Variants in CDH13 observed in about 807,000 individuals in gnomAD.
CDH13 encodes cadherin-13.
Under a neutral mutation model 63.8 loss-of-function variants are expected in CDH13, and 24 were observed. That is an observed-to-expected ratio of 0.38 (90% CI 0.27 to 0.53). The LOEUF is 0.53. Ranked by LOEUF, CDH13 falls within the 20% of genes least tolerant of loss-of-function variation. CDH13 has a pLI of 0.85. For missense variants in CDH13, 1,049 were observed against 903.1 expected, an observed-to-expected ratio of 1.16 and a Z score of -2.07; for synonymous variants, 503 against 355.3, an observed-to-expected ratio of 1.42 and a Z score of -4.67.
chr16:83,197,973 T>C (rs756667881), intron 4 of CDH13, among the ~76,000 whole-genome samples: 1 of 152,216 alleles, frequency 6.6e-6, no homozygotes, highest in African/African-American at 2.4e-5. Context: ...CAAATGCATG[T>C]GCATCTATAA....
At chr16:83,280,801 T>G (rs2089147186) in intron 5 of CDH13, among the ~76,000 whole-genome samples, 1 of 152,224 alleles carries the variant, frequency 6.6e-6, no homozygotes, top group Non-Finnish European at 1.5e-5. Context: ...ACAAAAACAT[T>G]ACTCTTGGAC....
chr16:83,052,416 C>T (rs1468904369), intron 3 of CDH13, among the ~76,000 whole-genome samples: 1 of 152,186 alleles, frequency 6.6e-6, no homozygotes, highest in African/African-American at 2.4e-5. Flanking sequence ...ATCATGTTTT[C>T]ATAGCAAATA....
At chr16:83,390,623 G>C (rs2091768102) in intron 6 of CDH13, among the ~76,000 whole-genome samples, 1 of 151,982 alleles carries the variant, frequency 6.6e-6, no homozygotes, top group African/African-American at 2.4e-5. Context: ...CAGGAGTCCT[G>C]CTGATCCCAC....
In CDH13 at chr16:83,049,323, C is replaced by CACTTTTTTTTTTTTTTT. The variant is rs1192950905; in HGVS notation, c.366+17105_366+17106insACTTTTTTTTTTTTTTT. 7.2e-5 allele frequency among the ~76,000 whole-genome samples: 5 copies of CACTTTTTTTTTTTTTTT among 68,988 alleles called. 1 individual carries two copies. Among genetic ancestry groups the CACTTTTTTTTTTTTTTT allele is most frequent in the African/African-American group, 2.3e-4 (4 of 17,660 alleles). 45.3% of individuals were successfully genotyped at this position (68,988 alleles called of 152,430 possible). A position where few individuals can be genotyped will look rare whatever the true frequency, so the allele number is the denominator to read the frequency against. On this transcript the variant is annotated intron_variant, in intron 3 of 13. Transcript: ENST00000567109. ...CAATACTTGGGCATTTATGACTGGC[C>CACTTTTTTTTTTTTTTT]TCTTTTTTTTTTTTTTTTTTTTTGA...
intron 5 of CDH13, among the ~76,000 whole-genome samples, chr16:83,267,346 G>C (rs1182513238): frequency 3.9e-5 from 6 of 152,062 alleles, no homozygotes; most frequent in Admixed American, 3.9e-4. Context: ...TTATCCTCAG[G>C]CTAATTCACT....
intron 2 of CDH13, among the ~76,000 whole-genome samples, chr16:83,014,024 G>A (rs79891089): frequency 0.031 from 4,643 of 152,046 alleles, 102 homozygotes; most frequent in Non-Finnish European, 0.045. Context: ...GAGGTAAAAT[G>A]GCAAACAAGA....
intron 1 of CDH13, among the ~76,000 whole-genome samples, chr16:82,691,301 T>C (rs1237804532): frequency 6.6e-6 from 1 of 152,198 alleles, no homozygotes; most frequent in Admixed American, 6.5e-5. Context: ...GCTGCCAGCA[T>C]CTTCCTGCTT....
chr16:82,717,953 C>T lies in CDH13; in HGVS notation c.45+90816C>T, dbSNP rs188804436. Among the ~76,000 whole-genome samples the T allele has an allele frequency of 3.7e-3, 567 of 152,262 alleles. 6 individuals carry two copies. Among genetic ancestry groups the T allele is most frequent in the Non-Finnish European group, 5.0e-3 (340 of 68,018 alleles). ...CCTAAAAGAAAATAAGATACTACTG[C>T]GAATGTCACCCAATGAGACCTGACC... On this transcript the variant is annotated intron_variant, in intron 1 of 13. Coordinates refer to ENST00000567109, the MANE Select transcript of CDH13 (RefSeq NM_001257.5).
intron 2 of CDH13, among the ~76,000 whole-genome samples, chr16:82,869,237 A>G (rs927914018): frequency 2.0e-5 from 3 of 152,082 alleles, no homozygotes; most frequent in Admixed American, 6.5e-5. Flanking sequence ...AATAGAGCAA[A>G]GTTTTGCCAT....
intron 5 of CDH13, among the ~76,000 whole-genome samples, chr16:83,321,673 C>T (rs893563369): frequency 7.9e-5 from 12 of 151,840 alleles, no homozygotes; most frequent in Non-Finnish European, 1.6e-4. Context: ...GGACTACAGG[C>T]GCCTGCCACC....
intron 5 of CDH13, among the ~76,000 whole-genome samples, chr16:83,218,659 T>G (rs991958817): frequency 1.3e-5 from 2 of 152,176 alleles, no homozygotes; most frequent in African/African-American, 4.8e-5. Context: ...AAGAAAGTTC[T>G]GGCACAAAAA....
chr16:83,470,704 A>C lies in CDH13; in HGVS notation c.782-15773A>C, dbSNP rs539960523. ...CACAACCACAGGCTCAGCAGATAAC[A>C]CGCCTAGCCCAGAGCTGCACGTCCT... On this transcript the variant is annotated intron_variant, in intron 6 of 13. Transcript: ENST00000567109. 5.3e-5 allele frequency among the ~76,000 whole-genome samples: 8 copies of C among 152,218 alleles called. No individual in the cohort carries two copies. The South Asian group carries it at 1.7e-3, about 32-fold the overall frequency.
chr16:83,300,909 C>T (rs2089718446), intron 5 of CDH13, among the ~76,000 whole-genome samples: 4 of 151,912 alleles, frequency 2.6e-5, no homozygotes, highest in Admixed American at 2.6e-4. Context: ...GGCTGAGAGC[C>T]AGGAAACAGG....
At chr16:83,391,258 T>G (rs530998049) in intron 6 of CDH13, among the ~76,000 whole-genome samples, 3 of 151,894 alleles carry the variant, frequency 2.0e-5, no homozygotes, top group Admixed American at 2.0e-4. Context: ...CAGGATGGAC[T>G]GCAATAACAT....
At chr16:82,870,430 A>G (rs1400075987) in intron 2 of CDH13, among the ~76,000 whole-genome samples, 2 of 152,190 alleles carry the variant, frequency 1.3e-5, no homozygotes, top group African/African-American at 4.8e-5. Context: ...AACTAAAAAT[A>G]GAACTACTAT....
At chr16:82,909,701 C>A (rs919801398) in intron 2 of CDH13, among the ~76,000 whole-genome samples, 1 of 152,006 alleles carries the variant, frequency 6.6e-6, no homozygotes, top group Non-Finnish European at 1.5e-5. Context: ...ATGAGAAAGA[C>A]CCAACCCCAT....
At chr16:83,196,619 T>C (rs189344536) in intron 4 of CDH13, among the ~76,000 whole-genome samples, 2 of 152,126 alleles carry the variant, frequency 1.3e-5, no homozygotes, top group South Asian at 2.1e-4. Context: ...AATTAGGAAA[T>C]TGACAAAAGA....
chr16:83,020,838 C>T (rs532624666), intron 2 of CDH13, among the ~76,000 whole-genome samples: 1 of 152,330 alleles, frequency 6.6e-6, no homozygotes, highest in South Asian at 2.1e-4. Flanking sequence ...GGCATCAAAA[C>T]ACAATCAGGG....
At chr16:83,084,245 G>A (rs1468621138) in intron 3 of CDH13, among the ~76,000 whole-genome samples, 3 of 152,198 alleles carry the variant, frequency 2.0e-5, no homozygotes, top group South Asian at 2.1e-4. Context: ...TGACTGTGGC[G>A]AATTTAGCAA....
Sources: allele counts gnomAD v4.1 joint callset (sites outside exome capture counted in the v4.1 genomes callset), GRCh38; gene constraint gnomAD v4.1.1; transcripts MANE v1.5; gene names NCBI Gene and HGNC (gene_info 2026-07-23, HGNC 2026-07-21).